Variants in ADAMTSL1 observed in about 807,000 individuals in gnomAD.
The protein encoded by ADAMTSL1 is ADAMTS-like protein 1.
A neutral mutation model predicts 201.8 loss-of-function variants in ADAMTSL1; 126 were observed. The observed-to-expected ratio is 0.62, with a 90% CI of 0.54 to 0.72. ADAMTSL1 has a LOEUF of 0.72. Among genes scored for constraint, ADAMTSL1 ranks in the 30% least tolerant of loss-of-function variants. The pLI, the probability that ADAMTSL1 is intolerant of heterozygous loss-of-function variation, is 0.00. For synonymous variants in ADAMTSL1, 1,121 were observed against 903.4 expected, an observed-to-expected ratio of 1.24 and a Z score of -4.32; for missense variants, 2,679 against 2,277.8, an observed-to-expected ratio of 1.18 and a Z score of -3.59.
chr9:18,107,682 C>T (rs758005506), intron 1 of ADAMTSL1, among the ~76,000 whole-genome samples: 1 of 152,100 alleles, frequency 6.6e-6, no homozygotes. Flanking sequence ...TTCTGAGCTT[C>T]GGAGCAGAAA....
chr9:17,994,455 T>A (rs1181981911), intron 1 of ADAMTSL1, among the ~76,000 whole-genome samples: 1 of 152,170 alleles, frequency 6.6e-6, no homozygotes, highest in African/African-American at 2.4e-5. Flanking sequence ...ACATTTTCAT[T>A]GGGAATTGTA....
chr9:18,319,606 C>A (rs369617809), intron 2 of ADAMTSL1, among the ~76,000 whole-genome samples: 1 of 152,142 alleles, frequency 6.6e-6, no homozygotes, highest in Non-Finnish European at 1.5e-5. Context: ...CACCTCACTC[C>A]TTGGCTTGTA....
intron 1 of ADAMTSL1, among the ~76,000 whole-genome samples, chr9:17,932,299 C>A (rs1464245617): frequency 6.6e-6 from 1 of 152,176 alleles, no homozygotes; most frequent in African/African-American, 2.4e-5. Context: ...CGGTTGGCCA[C>A]CTTTCCATCA....
intron 2 of ADAMTSL1, among the ~76,000 whole-genome samples, chr9:18,176,438 G>C (rs184584262): frequency 6.6e-6 from 1 of 152,258 alleles, no homozygotes; most frequent in African/African-American, 2.4e-5. Context: ...AATAATTATA[G>C]TTATTGACTA....
At chr9:18,770,478 T>C (rs1000574484) in intron 16 of ADAMTSL1, 124 bp from the exon 17 acceptor site, 2 of 1,052,798 alleles carry the variant, frequency 1.9e-6, no homozygotes, top group East Asian at 2.6e-5. Flanking sequence ...CGATTCCTGG[T>C]TTTTCTTCTT....
intron 2 of ADAMTSL1, among the ~76,000 whole-genome samples, chr9:18,324,540 A>G (rs1460570029): frequency 6.6e-6 from 1 of 152,030 alleles, no homozygotes. Context: ...CAAGGAAGGC[A>G]GATCACCTGA....
chr9:18,067,072 G>A (rs982232221), intron 1 of ADAMTSL1, among the ~76,000 whole-genome samples: 2 of 151,960 alleles, frequency 1.3e-5, no homozygotes, highest in Admixed American at 1.3e-4. Context: ...CACCAGCATG[G>A]CACATGTACA....
intron 3 of ADAMTSL1, among the ~76,000 whole-genome samples, chr9:18,538,913 G>C (rs906976330): frequency 1.3e-5 from 2 of 152,152 alleles, no homozygotes; most frequent in African/African-American, 4.8e-5. Context: ...GAATTTGAAA[G>C]AAACTGTTGA....
rs75858838 is a variant in ADAMTSL1, at chr9:18,163,134, A to G, written c.88-728A>G. On this transcript the variant is annotated intron_variant, in intron 1 of 29. Coordinates refer to the ADAMTSL1 transcript ENST00000680146. ...GCTTGAGTAGCTCAGTAGCCAAATG[A>G]TAAAATGAAAAGATGAGAGTTTTAG... Among the ~76,000 whole-genome samples the G allele has an allele frequency of 1.2e-3, 190 of 152,152 alleles. 3 individuals carry two copies. In the East Asian group the frequency reaches 0.032, roughly 25 times the overall value.
At chr9:18,220,328 A>G (rs966736977) in intron 2 of ADAMTSL1, among the ~76,000 whole-genome samples, 1 of 152,178 alleles carries the variant, frequency 6.6e-6, no homozygotes, top group Non-Finnish European at 1.5e-5. Flanking sequence ...TGATAAAAAC[A>G]TGATAGATAA....
intron 1 of ADAMTSL1, among the ~76,000 whole-genome samples, chr9:17,935,619 C>A (rs1217367392): frequency 4.6e-5 from 7 of 152,126 alleles, no homozygotes; most frequent in Non-Finnish European, 8.8e-5. Context: ...GAACTTAGTT[C>A]TTTTATTTGC....
At chr9:18,889,857 G>T in intron 25 of ADAMTSL1, 109 bp downstream of exon 25, 2 of 1,130,488 alleles carry the variant, frequency 1.8e-6, no homozygotes, top group Non-Finnish European at 2.3e-6. Flanking sequence ...AGAGATGCCA[G>T]CCAAGGAGCT....
intron 2 of ADAMTSL1, among the ~76,000 whole-genome samples, chr9:18,426,628 G>A (rs139164013): frequency 2.0e-5 from 3 of 152,016 alleles, no homozygotes; most frequent in East Asian, 3.9e-4. Flanking sequence ...TGAGACTTTC[G>A]GTAACCCATC....
At chr9:18,001,567 C>A (rs73418846) in intron 1 of ADAMTSL1, among the ~76,000 whole-genome samples, 20 of 152,084 alleles carry the variant, frequency 1.3e-4, no homozygotes, top group African/African-American at 4.6e-4. Flanking sequence ...AGAAGGTTTC[C>A]AGGAAGAAAA....
At chr9:18,488,954 T>C (rs140470572) in intron 1 of ADAMTSL1, among the ~76,000 whole-genome samples, 2 of 152,312 alleles carry the variant, frequency 1.3e-5, no homozygotes, top group East Asian at 3.9e-4. Context: ...AAGAAAGTCA[T>C]CCAGTGAATT....
chr9:18,625,520 GA>G (rs2095388427), intron 5 of ADAMTSL1, among the ~76,000 whole-genome samples: 1 of 151,984 alleles, frequency 6.6e-6, no homozygotes, highest in Admixed American at 6.6e-5. Flanking sequence ...TTTCTTAAAG[GA>G]AAAGACTACC....
At position 18,344,644 on chromosome 9, in the gene ADAMTSL1, G is replaced by A. The variant is rs565816719; in HGVS notation, c.208-160185G>A. Among the ~76,000 whole-genome samples, 100 of 152,178 alleles carry A rather than the reference G, an allele frequency of 6.6e-4. 1 individual carries two copies. The South Asian group carries it at 0.018, about 28-fold the overall frequency. Reference sequence around the variant, plus strand: ...GTGTGTACAGTGACAATGAATTGGCGGTTGTTGAATCCTAGTGTTCCCTTT... The same window carrying A: ...GTGTGTACAGTGACAATGAATTGGCAGTTGTTGAATCCTAGTGTTCCCTTT... On this transcript the variant is annotated intron_variant, in intron 2 of 29. Coordinates refer to the ADAMTSL1 transcript ENST00000680146.
chr9:18,374,097 G>T (rs1163735074), intron 2 of ADAMTSL1, among the ~76,000 whole-genome samples: 1 of 152,122 alleles, frequency 6.6e-6, no homozygotes, highest in Non-Finnish European at 1.5e-5. Context: ...AATTGGACTT[G>T]TGTATGGCCT....
At chr9:18,809,632 A>G (rs1256994650) in intron 20 of ADAMTSL1, among the ~76,000 whole-genome samples, 2 of 152,112 alleles carry the variant, frequency 1.3e-5, no homozygotes, top group Admixed American at 6.5e-5. Flanking sequence ...TCTATTAAAA[A>G]TACAAAATTA....
Sources: gnomAD v4.1 joint callset for allele counts (sites outside exome capture counted in the v4.1 genomes callset) on GRCh38, gnomAD v4.1.1 for gene constraint, MANE v1.5 for transcripts, NCBI Gene and HGNC (gene_info 2026-07-23, HGNC 2026-07-21) for gene names.